The following ANO3 variants were observed in gnomAD, a reference collection of about 807,000 sequenced individuals.
The protein encoded by ANO3 is anoctamin-3.
ANO3 carries 99 observed loss-of-function variants against 144.8 expected under a neutral mutation model. The observed-to-expected ratio is 0.68, with a 90% CI of 0.58 to 0.81. The LOEUF (loss-of-function observed/expected upper bound fraction) is 0.81. Ranked by LOEUF, ANO3 falls within the 30% of genes least tolerant of loss-of-function variation. The pLI is 0.00. For missense variants in ANO3, 905 were observed against 1,202.2 expected (o/e 0.75, Z 3.66); for synonymous variants, 414 against 392.6 (o/e 1.05, Z -0.64).
chr11:26,359,463 T>C (rs1855866722), intron 1 of ANO3, among the ~76,000 whole-genome samples: 2 of 152,210 alleles, frequency 1.3e-5, no homozygotes, highest in Non-Finnish European at 2.9e-5. Context: ...AAGTTTCACA[T>C]GTATGTACTG....
intron 1 of ANO3, among the ~76,000 whole-genome samples, chr11:26,220,775 T>C (rs1400030492): frequency 6.6e-6 from 1 of 152,174 alleles, no homozygotes; most frequent in Non-Finnish European, 1.5e-5. Context: ...TGTATACAGC[T>C]TAAGGCTTCT....
At chr11:26,564,364 T>C (rs1393416264) in intron 14 of ANO3, among the ~76,000 whole-genome samples, 1 of 151,526 alleles carries the variant, frequency 6.6e-6, no homozygotes, top group Non-Finnish European at 1.5e-5. Flanking sequence ...TGATTTGTTT[T>C]TTACATTACT....
At chr11:26,296,781 T>C (rs1041649781) in intron 1 of ANO3, among the ~76,000 whole-genome samples, 3 of 152,168 alleles carry the variant, frequency 2.0e-5, no homozygotes, top group African/African-American at 7.2e-5. Flanking sequence ...AGAAAATGTT[T>C]TCTTAATATA....
chr11:26,597,702 T>A (rs1299330617), intron 14 of ANO3, among the ~76,000 whole-genome samples: 1 of 152,128 alleles, frequency 6.6e-6, no homozygotes, highest in South Asian at 2.1e-4. Context: ...CTAAAACATA[T>A]ATGTGAGTTC....
chr11:26,610,666 G>A lies in ANO3; in HGVS notation c.1836+10952G>A, dbSNP rs566315573. Among the ~76,000 whole-genome samples the A allele has an allele frequency of 7.8e-4, 119 of 152,232 alleles. 2 individuals carry two copies. The South Asian group carries it at 0.023, about 30-fold the overall frequency. On this transcript the variant is annotated intron_variant, in intron 17 of 26. Transcript: ENST00000256737. ...TAGATTCATAGTTTTAGGTTTTACA[G>A]TTGAGTCTTTAATTGCAATTGAGTT... is the stretch of plus-strand genomic sequence containing the variant.
intron 14 of ANO3, chr11:26,562,915 T>C (rs771785136): frequency 1.2e-4 from 78 of 636,258 alleles, no homozygotes; most frequent in Non-Finnish European, 1.7e-4. Flanking sequence ...ACAGTTCAAA[T>C]GTTTTTTAAA....
At chr11:26,340,673 A>AT (rs1317704068) in intron 1 of ANO3, among the ~76,000 whole-genome samples, 2 of 152,246 alleles carry the variant, frequency 1.3e-5, no homozygotes, top group Non-Finnish European at 2.9e-5. Context: ...TGAGTGAACT[A>AT]TAGTAAATTG....
Position 26,228,885 on chromosome 11 carries a change from G to A in ANO3, c.154+39555G>A, listed in dbSNP as rs145803514. Reference sequence around the variant, plus strand: ...TTGTGAATCATTTGCCAAAACAATAGATAAATTGTCAAACTTGGTTGGTTG... The same window carrying A: ...TTGTGAATCATTTGCCAAAACAATAAATAAATTGTCAAACTTGGTTGGTTG... On this transcript the variant is annotated intron_variant, in intron 1 of 27. Coordinates refer to the ANO3 transcript ENST00000672621. Among the ~76,000 whole-genome samples the A allele has an allele frequency of 5.9e-5, 9 of 152,238 alleles. 1 individual carries two copies. The highest frequency in any genetic ancestry group is 2.2e-4 in the African/African-American group (9 of 41,548).
At chr11:26,578,374 T>C (rs1851044800) in intron 14 of ANO3, among the ~76,000 whole-genome samples, 1 of 152,102 alleles carries the variant, frequency 6.6e-6, no homozygotes, top group Admixed American at 6.6e-5. Flanking sequence ...CAGTACGTAT[T>C]GACATAGGAG....
chr11:26,276,032 G>T (rs1590229024), intron 1 of ANO3, among the ~76,000 whole-genome samples: 1 of 152,220 alleles, frequency 6.6e-6, no homozygotes, highest in Non-Finnish European at 1.5e-5. Context: ...GTGTACTAGA[G>T]TTAGCGGCCA....
chr11:26,294,876 T>C (rs1359136852), intron 1 of ANO3, among the ~76,000 whole-genome samples: 1 of 152,120 alleles, frequency 6.6e-6, no homozygotes. Context: ...TTTCCTTTTT[T>C]TTCTTCTTTT....
chr11:26,577,271 A>G (rs965518958), intron 14 of ANO3, among the ~76,000 whole-genome samples: 3 of 152,300 alleles, frequency 2.0e-5, no homozygotes, highest in East Asian at 1.9e-4. Flanking sequence ...TTTAAAAAAG[A>G]GAGAGAAAGT....
intron 4 of ANO3, among the ~76,000 whole-genome samples, chr11:26,481,757 A>C (rs1860226610): frequency 6.6e-6 from 1 of 152,200 alleles, no homozygotes; most frequent in Non-Finnish European, 1.5e-5. Context: ...TAAACAAATT[A>C]GGGATCAGTT....
intron 1 of ANO3, among the ~76,000 whole-genome samples, chr11:26,219,348 C>G (rs1433583337): frequency 6.6e-6 from 1 of 152,118 alleles, no homozygotes; most frequent in Non-Finnish European, 1.5e-5. Context: ...AAGAGTTATA[C>G]TAATGTCTTT....
intron 21 of ANO3, 100 bp downstream of exon 21, chr11:26,639,341 C>G (rs146787989): frequency 5.1e-6 from 4 of 782,450 alleles, no homozygotes; most frequent in Non-Finnish European, 8.8e-6. Context: ...GGTAATCAGA[C>G]AAATGATGGC....
intron 1 of ANO3, among the ~76,000 whole-genome samples, chr11:26,235,825 T>A (rs1011772079): frequency 6.6e-6 from 1 of 151,960 alleles, no homozygotes; most frequent in Admixed American, 6.6e-5. Context: ...TCTACAAATG[T>A]GAAACACTAC....
At chr11:26,641,214 G>A (rs937649188) in intron 21 of ANO3, among the ~76,000 whole-genome samples, 4 of 151,362 alleles carry the variant, frequency 2.6e-5, no homozygotes, top group East Asian at 1.9e-4. Context: ...GCAGACTCAC[G>A]GACACAGACT....
At chr11:26,389,575 A>G (rs1190310393) in intron 1 of ANO3, among the ~76,000 whole-genome samples, 1 of 152,094 alleles carries the variant, frequency 6.6e-6, no homozygotes, top group Non-Finnish European at 1.5e-5. Flanking sequence ...GGATGATTAT[A>G]GATACCATTC....
chr11:26,515,006 C>G (rs1404285091), intron 5 of ANO3, among the ~76,000 whole-genome samples: 1 of 151,788 alleles, frequency 6.6e-6, no homozygotes, highest in Non-Finnish European at 1.5e-5. Context: ...TTGAATGAAT[C>G]AATAGTCACT....
Sources: gnomAD v4.1 joint callset for allele counts (sites outside exome capture counted in the v4.1 genomes callset) on GRCh38, gnomAD v4.1.1 for gene constraint, MANE v1.5 for transcripts, NCBI Gene and HGNC (gene_info 2026-07-23, HGNC 2026-07-21) for gene names.